The following WASHC5 variants were observed in gnomAD, a reference collection of about 807,000 sequenced individuals.
WASHC5 encodes the protein WASH complex subunit 5, also known as WASH complex subunit strumpellin.
Under a neutral mutation model 150.4 loss-of-function variants are expected in WASHC5, and 101 were observed. That is an observed-to-expected ratio of 0.67 (90% CI 0.57 to 0.79). The LOEUF (loss-of-function observed/expected upper bound fraction) is 0.79. Ranked by LOEUF, WASHC5 falls within the 30% of genes least tolerant of loss-of-function variation. The pLI, the probability that WASHC5 is intolerant of heterozygous loss-of-function variation, is 0.00. For missense variants in WASHC5, 1,195 were observed against 1,396.3 expected (o/e 0.86, Z 2.30); for synonymous variants, 467 against 491.2 (o/e 0.95, Z 0.65).
intron 1 of WASHC5, among the ~76,000 whole-genome samples, chr8:125,086,401 A>G (rs1817422785): frequency 6.6e-6 from 1 of 152,042 alleles, no homozygotes; most frequent in African/African-American, 2.4e-5. Flanking sequence ...CAGCCTCCCA[A>G]AGTGCTGAGA....
chr8:125,063,497 C>T, intron 11 of WASHC5, 25 bp downstream of exon 11: 4 of 1,612,110 alleles, frequency 2.5e-6, no homozygotes, highest in Middle Eastern at 1.7e-4. Context: ...TCCAAACACA[C>T]CAGTATTTCC....
At chr8:125,088,253 C>A (rs1453477647) in intron 1 of WASHC5, among the ~76,000 whole-genome samples, 6 of 144,408 alleles carry the variant, frequency 4.2e-5, no homozygotes, top group Non-Finnish European at 8.8e-5. Context: ...GGGATCACCC[C>A]GGCTCTACTA....
At chr8:125,044,932 C>T (rs558828975) in intron 20 of WASHC5, 4 of 546,566 alleles carry the variant, frequency 7.3e-6, no homozygotes, top group Non-Finnish European at 1.3e-5. Flanking sequence ...TCATTGGTTT[C>T]AGTCATTTAT....
At chr8:125,060,634 A>T (rs1054957932) in intron 12 of WASHC5, among the ~76,000 whole-genome samples, 33 of 152,156 alleles carry the variant, frequency 2.2e-4, no homozygotes, top group African/African-American at 7.7e-4. Flanking sequence ...ACAATAAACT[A>T]TTTTTTTCAG....
At chr8:125,076,324 A>T (rs1817058535) in intron 7 of WASHC5, 24 bp downstream of exon 7, 1 of 1,610,728 alleles carries the variant, frequency 6.2e-7, no homozygotes, top group Non-Finnish European at 8.5e-7. Context: ...TTTACTGTAG[A>T]GGAAAAAAAT....
intron 1 of WASHC5, among the ~76,000 whole-genome samples, chr8:125,088,146 C>G (rs1231403146): frequency 6.6e-6 from 1 of 152,006 alleles, no homozygotes; most frequent in African/African-American, 2.4e-5. Flanking sequence ...TGACTCCCTC[C>G]TAAAGAGGAG....
rs1563636576 is a variant in WASHC5 at position 125,082,388 on chromosome 8, G to A, written c.412C>T (p.Leu138Phe). The A allele has an allele frequency of 1.3e-6, 2 of 1,514,420 alleles. No individual in the cohort carries two copies. The highest frequency in any genetic ancestry group is 1.1e-5 in the South Asian group (1 of 88,828). 93.8% of individuals were successfully genotyped at this position (1,514,420 alleles called of 1,614,324 possible). Residue 138 changes from leucine to phenylalanine, a missense_variant, in exon 4 of 29, where the codon CTT (leucine) becomes TTT (phenylalanine). Coordinates refer to ENST00000318410, the MANE Select transcript of WASHC5 (RefSeq NM_014846.4). Reference sequence around the variant, plus strand: ...AAATAATCATTATTACTTACTAGAAGTTGTTTTCCATCTTCATTGAGAAGC... The same window carrying A: ...AAATAATCATTATTACTTACTAGAAATTGTTTTCCATCTTCATTGAGAAGC... ...TVLLNEDGKQLLCEALYLYGV... is the reference protein window; with the variant it reads ...TVLLNEDGKQFLCEALYLYGV...
At chr8:125,048,942 G>A in intron 19 of WASHC5, 64 bp downstream of exon 19, 1 of 1,304,180 alleles carries the variant, frequency 7.7e-7, no homozygotes, top group Non-Finnish European at 1.1e-6. Context: ...CTGAGGTTTG[G>A]GATGTGTACT....
intron 1 of WASHC5, among the ~76,000 whole-genome samples, chr8:125,088,495 A>G (rs965030777): frequency 1.3e-5 from 2 of 151,814 alleles, no homozygotes; most frequent in Non-Finnish European, 2.9e-5. Context: ...TTCTGAGATT[A>G]GATTTCGAAA....
In WASHC5 at chr8:125,081,745, A is replaced by G. The variant is rs923684817; in HGVS notation, c.434T>C (p.Leu145Ser). The change falls in exon 5 of 29, where the codon TTA (leucine) becomes TCA (serine). Residue 145 changes from leucine (L) to serine (S), a missense_variant. Leu to Ser is a moderately radical substitution (Grantham distance 145, BLOSUM62 -2). This residue lies in a region of WASHC5 where 195 missense variants were observed against 206.9 expected (regional missense o/e 0.94). Transcript: ENST00000318410. ...GKQLLCEALYLYGVMLLVIDQ... is the reference protein window; with the variant it reads ...GKQLLCEALYSYGVMLLVIDQ... ...AATGACCAGTAGCATAACTCCATAT[A>G]AGTACAGTGCTTCACACTAAGAAGA... is the stretch of plus-strand genomic sequence containing the variant. 6.8e-6 allele frequency: 11 copies of G among 1,607,272 alleles called. No homozygotes were observed. Among genetic ancestry groups the G allele is most frequent in the Non-Finnish European group, 8.5e-6 (10 of 1,174,048 alleles).
intron 17 of WASHC5, among the ~76,000 whole-genome samples, chr8:125,053,986 CA>C (rs1425371320): frequency 6.6e-6 from 1 of 152,146 alleles, no homozygotes; most frequent in African/African-American, 2.4e-5. Flanking sequence ...CACTGTAAGT[CA>C]AGGAACATTT....
At chr8:125,083,666 G>A (rs1162248240) in intron 2 of WASHC5, 47 bp downstream of exon 2, 15 of 1,456,572 alleles carry the variant, frequency 1.0e-5, no homozygotes, top group East Asian at 2.3e-5. Context: ...GAGAAAACAC[G>A]CTTTTGTAGA....
At chr8:125,081,849 C>T in intron 4 of WASHC5, 88 bp from the exon 5 acceptor site, 1 of 814,788 alleles carries the variant, frequency 1.2e-6, no homozygotes, top group Non-Finnish European at 2.1e-6. Context: ...TATTGCTTTG[C>T]TCACACTTCT....
intron 16 of WASHC5, 87 bp downstream of exon 16, chr8:125,056,590 C>T (rs1816412816): frequency 6.6e-7 from 1 of 1,509,262 alleles, no homozygotes; most frequent in South Asian, 1.1e-5. Context: ...TGGTGGTCCC[C>T]AGAATATGGC....
At chr8:125,068,955 T>C (rs1370526458) in intron 9 of WASHC5, among the ~76,000 whole-genome samples, 1 of 152,280 alleles carries the variant, frequency 6.6e-6, no homozygotes. Flanking sequence ...TAAGGCCAAT[T>C]ACTTATCTAA....
intron 15 of WASHC5, among the ~76,000 whole-genome samples, chr8:125,057,196 CA>C (rs1184414429): frequency 6.6e-6 from 1 of 152,162 alleles, no homozygotes; most frequent in Non-Finnish European, 1.5e-5. Context: ...TCAAAATTCC[CA>C]TGAAAACCTG....
intron 26 of WASHC5, 175 bp from the exon 27 acceptor site, chr8:125,032,569 G>A (rs1815572893): frequency 8.2e-6 from 6 of 727,924 alleles, no homozygotes; most frequent in Non-Finnish European, 1.2e-5. Flanking sequence ...GATTGGTAGG[G>A]CATTCCAGGG....
At position 125,078,797 on chromosome 8, in the gene WASHC5, T is replaced by C. The variant is rs1817138986; in HGVS notation, c.652A>G (p.Asn218Asp). The change falls in exon 6 of 29, where the codon AAC becomes GAC. Residue 218 changes from asparagine (N) to aspartate (D), a missense_variant. Physicochemically the swap from Asn to Asp is conservative, Grantham distance 23. Around this residue, in one of 3 missense-constraint regions of WASHC5, gnomAD observed 997 missense variants for 1,168.1 expected, o/e 0.85. Transcript: ENST00000318410. ...ATGACCATACTGATGAAGGATTCGT[T>C]GATAGGCACTCTCTGGAAATAGCTC... ...PESYFQRVPI[N>D]ESFISMVIGR... is the part of the protein sequence containing the mutation. 1 of 1,614,084 alleles carries C rather than the reference T, an allele frequency of 6.2e-7. No homozygotes were observed. The highest frequency in any genetic ancestry group is 8.5e-7 in the Non-Finnish European group (1 of 1,179,966).
At chr8:125,068,649 G>A (rs1434778426) in intron 9 of WASHC5, among the ~76,000 whole-genome samples, 1 of 152,154 alleles carries the variant, frequency 6.6e-6, no homozygotes, top group Non-Finnish European at 1.5e-5. Context: ...ACACAACAAG[G>A]AAGGGTTCCT....
Sources: allele counts gnomAD v4.1 joint callset (sites outside exome capture counted in the v4.1 genomes callset), GRCh38; gene constraint gnomAD v4.1.1; regional missense constraint gnomAD v4.1.1; transcripts MANE v1.5; gene names NCBI Gene and HGNC (gene_info 2026-07-23, HGNC 2026-07-21).